Variants in ATP11A observed in about 807,000 individuals in gnomAD.
ATP11A encodes phospholipid-transporting ATPase IH.
Under a neutral mutation model 154.4 loss-of-function variants are expected in ATP11A, and 81 were observed. The observed-to-expected ratio is 0.52, with a 90% CI of 0.44 to 0.63. The LOEUF (loss-of-function observed/expected upper bound fraction) is 0.63, where lower values mean the gene tolerates loss of function less well. Ranked by LOEUF, ATP11A falls within the 30% of genes least tolerant of loss-of-function variation. The probability of loss-of-function intolerance (pLI) is 0.00; values close to 1 mark genes in which losing one functional copy is unlikely to be tolerated. For missense variants in ATP11A, 1,316 were observed against 1,474.3 expected, an observed-to-expected ratio of 0.89 and a Z score of 1.76; for synonymous variants, 623 against 585.9, an observed-to-expected ratio of 1.06 and a Z score of -0.91.
Position 112,830,508 on chromosome 13 carries a change from G to A in ATP11A, c.1222-867G>A, listed in dbSNP as rs561908339. Among the ~76,000 whole-genome samples, 3 of 152,032 alleles carry A rather than the reference G, an allele frequency of 2.0e-5. No individual in the cohort carries two copies. In the East Asian group the frequency reaches 5.8e-4, roughly 29 times the overall value. ...TGAGAATTGCTTGAACCTGGGAGAC[G>A]GAGGTTGCAGTGAGCCGAGATCATA... On this transcript the variant is annotated intron_variant, in intron 12 of 29. Coordinates refer to ENST00000375645, the MANE Select transcript of ATP11A (RefSeq NM_015205.3).
intron 2 of ATP11A, among the ~76,000 whole-genome samples, chr13:112,798,581 C>T (rs549681119): frequency 3.9e-5 from 6 of 152,294 alleles, no homozygotes; most frequent in South Asian, 4.1e-4. Context: ...GAGGAATCTG[C>T]GCCACACACA....
In ATP11A at chr13:112,716,570, C is replaced by A. The variant is rs2139603291; in HGVS notation, c.39+26115C>A. On this transcript the variant is annotated intron_variant, in intron 1 of 29. Coordinates refer to ENST00000375645, the MANE Select transcript of ATP11A (RefSeq NM_015205.3). ...CCTCCTGGGACTGGGGCGTTCCCCA[C>A]CTTCCACTGTGCCGGTCTTCATGCA... Among the ~76,000 whole-genome samples, 3 of 152,318 alleles carry A rather than the reference C, an allele frequency of 2.0e-5. No homozygotes were observed. The South Asian group carries it at 6.2e-4, about 32-fold the overall frequency.
chr13:112,813,844 A>T (rs565818596), intron 5 of ATP11A, among the ~76,000 whole-genome samples: 1 of 151,894 alleles, frequency 6.6e-6, no homozygotes, highest in Non-Finnish European at 1.5e-5. Context: ...TGACATCTGC[A>T]TATCCTTGTC....
chr13:112,734,602 A>C (rs1890810107), intron 1 of ATP11A, among the ~76,000 whole-genome samples: 1 of 152,216 alleles, frequency 6.6e-6, no homozygotes, highest in Non-Finnish European at 1.5e-5. Context: ...TCAGTGACAA[A>C]TGCAGACTTC....
intron 25 of ATP11A, among the ~76,000 whole-genome samples, chr13:112,864,457 T>C (rs2080246888): frequency 1.1e-5 from 1 of 91,240 alleles, no homozygotes; most frequent in Non-Finnish European, 2.3e-5. Flanking sequence ...GTGCAGCCCA[T>C]GCAGCTTCCC....
At chr13:112,784,990 C>T in intron 1 of ATP11A, 145 bp from the exon 2 acceptor site, 1 of 1,103,272 alleles carries the variant, frequency 9.1e-7, no homozygotes, top group Non-Finnish European at 1.2e-6. Flanking sequence ...TGCTGGGCCC[C>T]AGGTCTCCCT....
intron 3 of ATP11A, 126 bp downstream of exon 3, chr13:112,805,172 T>C: frequency 1.5e-6 from 1 of 650,236 alleles, no homozygotes; most frequent in South Asian, 2.5e-5. Flanking sequence ...TATGATTAAT[T>C]TATTTATTTT....
chr13:112,707,778 A>C (rs913263119), intron 1 of ATP11A, among the ~76,000 whole-genome samples: 2 of 152,200 alleles, frequency 1.3e-5, no homozygotes, highest in African/African-American at 4.8e-5. Flanking sequence ...TTATATGACA[A>C]CCAGTGACAA....
chr13:112,734,108 G>A (rs1304985439), intron 1 of ATP11A, among the ~76,000 whole-genome samples: 3 of 152,164 alleles, frequency 2.0e-5, no homozygotes, highest in Non-Finnish European at 4.4e-5. Context: ...GAGCCACCAG[G>A]AGAGTGAGTG....
chr13:112,695,137 C>T (rs1885651589), intron 1 of ATP11A, among the ~76,000 whole-genome samples: 1 of 152,200 alleles, frequency 6.6e-6, no homozygotes, highest in Non-Finnish European at 1.5e-5. Context: ...ATTAGACGAT[C>T]CAGTGGGACC....
At chr13:112,713,925 C>G (rs892344741) in intron 1 of ATP11A, among the ~76,000 whole-genome samples, 8 of 146,134 alleles carry the variant, frequency 5.5e-5, no homozygotes, top group African/African-American at 1.8e-4. Flanking sequence ...TGATCCCAGC[C>G]TCCCTTCCAT....
rs1368430026 is a variant in ATP11A, at chr13:112,836,248, A to G, written c.1702A>G (p.Thr568Ala). The G allele has an allele frequency of 1.2e-6, 2 of 1,602,460 alleles. No homozygotes were observed. The highest frequency in any genetic ancestry group is 1.7e-5 in the Admixed American group (1 of 59,626). Residue 568 changes from threonine to alanine, a missense_variant, in exon 16 of 30, where the codon ACA becomes GCA. Physicochemically the swap from Thr to Ala is moderately conservative, Grantham distance 58. Coordinates refer to ENST00000375645, the MANE Select transcript of ATP11A (RefSeq NM_015205.3). ...RRMSVIVKSA[T>A]GEIYLFCKGA... ...AATGAGTGTAATTGTAAAATCTGCTACAGGTAAAATTTCTTTTTCTTTTGA... is the reference window on the plus strand; with the variant it reads ...AATGAGTGTAATTGTAAAATCTGCTGCAGGTAAAATTTCTTTTTCTTTTGA...
At chr13:112,734,765 C>T (rs915899451) in intron 1 of ATP11A, among the ~76,000 whole-genome samples, 4 of 152,306 alleles carry the variant, frequency 2.6e-5, no homozygotes, top group African/African-American at 9.6e-5. Context: ...CTCACCTGCC[C>T]TCATAGCCGC....
intron 16 of ATP11A, among the ~76,000 whole-genome samples, chr13:112,839,032 C>T (rs1276378836): frequency 6.6e-6 from 1 of 152,100 alleles, no homozygotes; most frequent in Non-Finnish European, 1.5e-5. Context: ...ACAGGGGCCT[C>T]CCATGATGTC....
intron 1 of ATP11A, among the ~76,000 whole-genome samples, chr13:112,715,314 C>G (rs1471137607): frequency 6.6e-6 from 1 of 151,544 alleles, no homozygotes; most frequent in Non-Finnish European, 1.5e-5. Context: ...GCACTCTTGG[C>G]TTTGTAGTGT....
intron 13 of ATP11A, among the ~76,000 whole-genome samples, chr13:112,832,632 C>G (rs1165345505): frequency 6.6e-6 from 1 of 152,208 alleles, no homozygotes; most frequent in African/African-American, 2.4e-5. Flanking sequence ...TGAACGCACG[C>G]CCGTTTAGCC....
In ATP11A at chr13:112,838,631, A is replaced by G. The variant is rs1178820369; in HGVS notation, c.1705+2380A>G. 6.6e-6 allele frequency among the ~76,000 whole-genome samples: 1 copy of G among 152,238 alleles called. No homozygotes were observed. The highest frequency in any genetic ancestry group is 2.4e-5 in the African/African-American group (1 of 41,466). ...GGAATCTTTGTAAATAACTTCTGTT[A>G]CTATCAAAAGGCTGAAGAGCCGCTG... is the stretch of plus-strand genomic sequence containing the variant. On this transcript the variant is annotated intron_variant, in intron 16 of 29. Coordinates refer to ENST00000375645, the MANE Select transcript of ATP11A (RefSeq NM_015205.3). The surrounding 1 kb of genome is among the most constrained non-coding windows in gnomAD (Gnocchi z 7.3).
At chr13:112,711,762 G>C (rs1276249618) in intron 1 of ATP11A, among the ~76,000 whole-genome samples, 5 of 152,218 alleles carry the variant, frequency 3.3e-5, no homozygotes, top group Admixed American at 2.6e-4. Context: ...AGTGTTCCCG[G>C]GACTGGGAAA....
chr13:112,789,074 C>A (rs548993308), intron 2 of ATP11A, among the ~76,000 whole-genome samples: 1 of 151,876 alleles, frequency 6.6e-6, no homozygotes, highest in Non-Finnish European at 1.5e-5. Context: ...GATGTGTAGA[C>A]CCCTGTGTAG....
Sources: allele counts gnomAD v4.1 joint callset (sites outside exome capture counted in the v4.1 genomes callset), GRCh38; gene constraint gnomAD v4.1.1; non-coding constraint Gnocchi (gnomAD v3.1); transcripts MANE v1.5; gene names NCBI Gene and HGNC (gene_info 2026-07-23, HGNC 2026-07-21).